ERP44: variants seen among roughly 807,000 people sequenced by gnomAD.
ERP44 encodes endoplasmic reticulum protein 44.
ERP44 carries 25 observed loss-of-function variants against 53.4 expected under a neutral mutation model. That is an observed-to-expected ratio of 0.47 (90% CI 0.34 to 0.65). The LOEUF (loss-of-function observed/expected upper bound fraction) is 0.65, where lower values mean the gene tolerates loss of function less well. Ranked by LOEUF, ERP44 falls within the 30% of genes least tolerant of loss-of-function variation. The pLI is 0.01. For missense variants in ERP44, 338 were observed against 493.2 expected, an observed-to-expected ratio of 0.69 and a Z score of 2.98; for synonymous variants, 145 against 161.2, an observed-to-expected ratio of 0.90 and a Z score of 0.76.
At chr9:100,063,629 T>A (rs1366993532) in intron 1 of ERP44, among the ~76,000 whole-genome samples, 1 of 152,078 alleles carries the variant, frequency 6.6e-6, no homozygotes, top group African/African-American at 2.4e-5. Flanking sequence ...ACTTTTAAAT[T>A]TACGTTAAAA....
chr9:100,051,226 A>G (rs894236918), intron 4 of ERP44, among the ~76,000 whole-genome samples: 38 of 152,222 alleles, frequency 2.5e-4, no homozygotes, highest in African/African-American at 8.9e-4. Flanking sequence ...AGCTATACCA[A>G]TAACTCCCCA....
chr9:100,059,365 C>G (rs1826117207), intron 2 of ERP44, among the ~76,000 whole-genome samples: 1 of 152,158 alleles, frequency 6.6e-6, no homozygotes, highest in Non-Finnish European at 1.5e-5. Flanking sequence ...TCCACAACCA[C>G]ATTGTCAGCA....
rs984956264 is a variant in ERP44, at chr9:100,006,642, T to C, written c.880A>G (p.Ile294Val). ...ARQLISEKGT[I>V]NFLHADCDKF... ...TCACAATCGGCATGTAAAAAGTTTA[T>C]TGTACCTTTAAGAAAAAAGAATTTT... Residue 294 changes from isoleucine (I) to valine (V), a missense_variant, in exon 10 of 12, where the codon ATA becomes GTA. Physicochemically the swap from Ile to Val is conservative, Grantham distance 29. Around this residue, in one of 3 missense-constraint regions of ERP44, gnomAD observed 113 missense variants for 172.6 expected, o/e 0.65. Coordinates refer to ENST00000262455, the MANE Select transcript of ERP44 (RefSeq NM_015051.3). The C allele has an allele frequency of 6.3e-7, 1 of 1,577,956 alleles. No individual in the cohort carries two copies. Among genetic ancestry groups the C allele is most frequent in the Non-Finnish European group, 8.6e-7 (1 of 1,167,594 alleles).
chr9:100,065,341 G>C (rs921675445), intron 1 of ERP44, among the ~76,000 whole-genome samples: 5 of 152,090 alleles, frequency 3.3e-5, no homozygotes, highest in African/African-American at 1.2e-4. Context: ...ATACCATCTA[G>C]GTTTGTGTAA....
At chr9:100,024,032 G>A (rs530223425) in intron 4 of ERP44, among the ~76,000 whole-genome samples, 13 of 152,194 alleles carry the variant, frequency 8.5e-5, no homozygotes, top group African/African-American at 2.6e-4. Context: ...GCACATGCCT[G>A]TAATCCCAGC....
chr9:100,055,967 C>G (rs1019220986), intron 3 of ERP44, among the ~76,000 whole-genome samples: 3 of 152,202 alleles, frequency 2.0e-5, no homozygotes, highest in Admixed American at 2.0e-4. Context: ...CAAGCTTTTT[C>G]AGCCATATAA....
intron 1 of ERP44, among the ~76,000 whole-genome samples, chr9:100,094,355 A>C (rs529801864): frequency 6.6e-6 from 1 of 152,160 alleles, no homozygotes; most frequent in Non-Finnish European, 1.5e-5. Context: ...AAATTGAAAA[A>C]GTTTTTAAAA....
In ERP44 at chr9:99,979,437, G is replaced by A. The variant is rs1158508881; in HGVS notation, c.*3175C>T. The A allele has an allele frequency of 1.3e-5, 2 of 151,910 alleles. No individual in the cohort carries two copies. Among genetic ancestry groups the A allele is most frequent in the Admixed American group, 6.6e-5 (1 of 15,246 alleles). The allele number at this position is 151,910 out of a possible 1,614,324, so 9.4% of individuals were successfully genotyped here. ...TTTCACTCTCCTCTCTGTAGCTTTTGTCATGCCAGTTTTCCCTTCTTTTGC... is the reference window on the plus strand; with the variant it reads ...TTTCACTCTCCTCTCTGTAGCTTTTATCATGCCAGTTTTCCCTTCTTTTGC... On this transcript the variant is annotated 3_prime_UTR_variant, in exon 12 of 12. Coordinates refer to ENST00000262455, the MANE Select transcript of ERP44 (RefSeq NM_015051.3).
chr9:99,982,564 G>A lies in ERP44; in HGVS notation c.*48C>T, dbSNP rs373140574. ...AATATAGGTTTACTATTTCCACCACGTAGGTTGATGCTGCTGTTGAAAGGC... is the reference window on the plus strand; with the variant it reads ...AATATAGGTTTACTATTTCCACCACATAGGTTGATGCTGCTGTTGAAAGGC... On this transcript the variant is annotated 3_prime_UTR_variant, in exon 12 of 12. Coordinates refer to ENST00000262455, the MANE Select transcript of ERP44 (RefSeq NM_015051.3). The A allele has an allele frequency of 9.2e-5, 80 of 869,614 alleles. No homozygotes were observed. The highest frequency in any genetic ancestry group is 5.3e-4 in the African/African-American group (31 of 58,064). 53.9% of individuals were successfully genotyped at this position (869,614 alleles called of 1,614,324 possible). A position where few individuals can be genotyped will look rare whatever the true frequency, so the allele number is the denominator to read the frequency against.
intron 4 of ERP44, among the ~76,000 whole-genome samples, chr9:100,044,162 A>G (rs1024029280): frequency 3.3e-5 from 5 of 152,226 alleles, no homozygotes; most frequent in Non-Finnish European, 5.9e-5. Flanking sequence ...AAATAATGAT[A>G]ACTGTAGTGC....
chr9:100,000,166 C>T (rs1010328479), intron 10 of ERP44, among the ~76,000 whole-genome samples: 1 of 152,038 alleles, frequency 6.6e-6, no homozygotes, highest in Admixed American at 6.5e-5. Context: ...TGCAGTGGCT[C>T]ATGTCTCTAA....
chr9:100,032,590 A>G (rs1192655822), intron 4 of ERP44, among the ~76,000 whole-genome samples: 2 of 152,190 alleles, frequency 1.3e-5, no homozygotes, highest in Non-Finnish European at 2.9e-5. Flanking sequence ...AGAAACTCCT[A>G]TTACTCTGAA....
At chr9:100,071,521 G>A (rs1826304293) in intron 1 of ERP44, among the ~76,000 whole-genome samples, 1 of 152,132 alleles carries the variant, frequency 6.6e-6, no homozygotes, top group Non-Finnish European at 1.5e-5. Flanking sequence ...TTCTTAAGTA[G>A]AGTACTGTAC....
intron 10 of ERP44, among the ~76,000 whole-genome samples, chr9:99,985,922 G>T (rs894644315): frequency 9.9e-5 from 15 of 152,256 alleles, no homozygotes; most frequent in African/African-American, 3.6e-4. Context: ...TTACGAAAAA[G>T]CTTATTCTGA....
At chr9:100,038,379 T>G (rs1356746621) in intron 4 of ERP44, among the ~76,000 whole-genome samples, 1 of 152,154 alleles carries the variant, frequency 6.6e-6, no homozygotes, top group Non-Finnish European at 1.5e-5. Context: ...AGTGTACAGT[T>G]TTTATTAGTT....
intron 4 of ERP44, among the ~76,000 whole-genome samples, chr9:100,036,028 G>A (rs1318713947): frequency 6.6e-6 from 1 of 152,150 alleles, no homozygotes; most frequent in Non-Finnish European, 1.5e-5. Context: ...ATTCAACCCA[G>A]CAATCCCATT....
At chr9:100,011,153 T>A (rs949706035) in intron 8 of ERP44, among the ~76,000 whole-genome samples, 4 of 151,280 alleles carry the variant, frequency 2.6e-5, no homozygotes, top group Non-Finnish European at 5.9e-5. Context: ...AATTCTAAGT[T>A]AAAAAAAAAC....
intron 4 of ERP44, among the ~76,000 whole-genome samples, chr9:100,038,277 AAAT>A (rs1452741483): frequency 6.6e-6 from 1 of 152,200 alleles, no homozygotes; most frequent in Non-Finnish European, 1.5e-5. Flanking sequence ...ACCAATCAAA[AAAT>A]AATAACCCCA....
rs559432550 is a variant in ERP44, at chr9:100,074,328, T to C, written c.58-14156A>G. ...TGGTGCCAAAAACGTTCAAGACTGC[T>C]GGGTTATCACACTGAATAACACTAT... On this transcript the variant is annotated intron_variant, in intron 1 of 11. Coordinates refer to ENST00000262455, the MANE Select transcript of ERP44 (RefSeq NM_015051.3). Among the ~76,000 whole-genome samples the C allele has an allele frequency of 2.6e-4, 39 of 152,248 alleles. 1 individual carries two copies. Among genetic ancestry groups the C allele is most frequent in the Middle Eastern group, 6.8e-3 (2 of 292 alleles).
Sources: allele counts gnomAD v4.1 joint callset (sites outside exome capture counted in the v4.1 genomes callset), GRCh38; gene constraint gnomAD v4.1.1; regional missense constraint gnomAD v4.1.1; transcripts MANE v1.5; gene names NCBI Gene and HGNC (gene_info 2026-07-23, HGNC 2026-07-21).